DTNBP1: variants seen among roughly 807,000 people sequenced by gnomAD.
DTNBP1 encodes dystrobrevin binding protein 1, also known as dysbindin.
In DTNBP1, 35 loss-of-function variants were observed where a neutral mutation model predicts 42.8. The observed-to-expected ratio is 0.82, with a 90% confidence interval of 0.63 to 1.09. The LOEUF is 1.09. DTNBP1 is among the 50% of genes least tolerant of loss of function. The probability of loss-of-function intolerance (pLI) is 0.00; values close to 1 mark genes in which losing one functional copy is unlikely to be tolerated. For missense variants in DTNBP1, 457 were observed against 424.2 expected (o/e 1.08, Z -0.68); for synonymous variants, 171 against 162.2 (o/e 1.05, Z -0.41).
At chr6:15,638,582 A>G (rs1241223356) in intron 3 of DTNBP1, among the ~76,000 whole-genome samples, 1 of 152,212 alleles carries the variant, frequency 6.6e-6, no homozygotes, top group Non-Finnish European at 1.5e-5. Flanking sequence ...TGCCCATTGG[A>G]TAATCATTAA....
intron 7 of DTNBP1, among the ~76,000 whole-genome samples, chr6:15,543,917 G>A (rs560748930): frequency 2.0e-5 from 3 of 152,292 alleles, no homozygotes; most frequent in South Asian, 2.1e-4. Context: ...AGGAGCTAGC[G>A]GCATTAGGAA....
At chr6:15,553,497 C>T (rs1049153075) in intron 7 of DTNBP1, among the ~76,000 whole-genome samples, 8 of 150,082 alleles carry the variant, frequency 5.3e-5, no homozygotes, top group African/African-American at 2.0e-4. Flanking sequence ...CTGTTTTAGG[C>T]CTTCCAAAGT....
intron 7 of DTNBP1, among the ~76,000 whole-genome samples, chr6:15,576,904 G>A (rs1201398173): frequency 6.6e-6 from 1 of 152,108 alleles, no homozygotes; most frequent in Admixed American, 6.6e-5. Flanking sequence ...CAGACGACAT[G>A]TATTGGGTGC....
At chr6:15,648,609 A>C (rs1159334384) in intron 3 of DTNBP1, among the ~76,000 whole-genome samples, 1 of 151,818 alleles carries the variant, frequency 6.6e-6, no homozygotes, top group Admixed American at 6.6e-5. Flanking sequence ...CCAATAAATA[A>C]TTCAAAAAAA....
intron 7 of DTNBP1, among the ~76,000 whole-genome samples, chr6:15,581,352 G>C (rs1355999965): frequency 6.6e-6 from 1 of 151,610 alleles, no homozygotes; most frequent in Non-Finnish European, 1.5e-5. Context: ...GCTAATTTCT[G>C]TATTTTTAGT....
Position 15,620,624 on chromosome 6 carries a change from C to A in DTNBP1, c.356-5225G>T, listed in dbSNP as rs2619539. Reference sequence around the variant, plus strand: ...TGACATGGTCTTAAAATGTATAAAACACTATCATAGCTAATAGGATTATTT... The same window carrying A: ...TGACATGGTCTTAAAATGTATAAAAAACTATCATAGCTAATAGGATTATTT... On this transcript the variant is annotated intron_variant, in intron 5 of 9. Transcript: ENST00000344537. 9.8e-4 allele frequency among the ~76,000 whole-genome samples: 149 copies of A among 152,200 alleles called. 1 individual carries two copies. The highest frequency in any genetic ancestry group is 1.8e-3 in the Admixed American group (27 of 15,296).
chr6:15,539,668 C>T (rs970303502), intron 7 of DTNBP1, among the ~76,000 whole-genome samples: 1 of 152,196 alleles, frequency 6.6e-6, no homozygotes, highest in African/African-American at 2.4e-5. Flanking sequence ...TTTGGGTGGA[C>T]GATTCTAGGA....
chr6:15,626,153 T>C (rs1759333539), intron 5 of DTNBP1, among the ~76,000 whole-genome samples: 1 of 152,204 alleles, frequency 6.6e-6, no homozygotes, highest in Admixed American at 6.5e-5. Flanking sequence ...GTTGGAATCC[T>C]AGATGCATTT....
chr6:15,584,929 G>GT (rs1053878949), intron 7 of DTNBP1, among the ~76,000 whole-genome samples: 5 of 147,598 alleles, frequency 3.4e-5, no homozygotes, highest in Non-Finnish European at 6.0e-5. Context: ...ATTTTTTGCA[G>GT]TAAGTTCCAC....
intron 7 of DTNBP1, chr6:15,545,994 A>G (rs1195828157): frequency 4.5e-6 from 2 of 445,144 alleles, no homozygotes; most frequent in Non-Finnish European, 8.9e-6. Flanking sequence ...TGCACCCTGG[A>G]GGCCTCAGAT....
intron 7 of DTNBP1, among the ~76,000 whole-genome samples, chr6:15,538,337 C>A (rs569884855): frequency 6.6e-6 from 1 of 152,244 alleles, no homozygotes; most frequent in South Asian, 2.1e-4. Flanking sequence ...GAGAGCATCC[C>A]CGGGCTGACA....
At chr6:15,530,549 G>C (rs373449545) in intron 8 of DTNBP1, among the ~76,000 whole-genome samples, 1 of 152,132 alleles carries the variant, frequency 6.6e-6, no homozygotes, top group Non-Finnish European at 1.5e-5. Context: ...CTGCCAGCCC[G>C]CTGACTTGCT....
intron 2 of DTNBP1, 139 bp downstream of exon 2, chr6:15,651,948 A>G: frequency 1.4e-6 from 1 of 731,270 alleles, no homozygotes; most frequent in South Asian, 2.1e-5. Flanking sequence ...CAAAATTTAG[A>G]AAGAATCGAT....
At chr6:15,607,014 T>A (rs1221213595) in intron 6 of DTNBP1, among the ~76,000 whole-genome samples, 2 of 150,878 alleles carry the variant, frequency 1.3e-5, no homozygotes, top group Non-Finnish European at 3.0e-5. Context: ...AAAAAAATTT[T>A]TTTTTTTTTT....
Position 15,615,303 on chromosome 6 carries a change from T to C in DTNBP1, c.452A>G (p.Gln151Arg), listed in dbSNP as rs776504346. ...QCELERCKHM[Q>R]SQQLENYKKN... ...CTTGTAATTCTCCAGTTGCTGGGAC[T>C]GCATATGTTTGCATCTTTCTAATTC... The change falls in exon 6 of 10, where the codon CAG becomes CGG. Residue 151 changes from glutamine to arginine, a missense_variant. Coordinates refer to ENST00000344537, the MANE Select transcript of DTNBP1 (RefSeq NM_032122.5). 2 of 1,614,086 alleles carry C rather than the reference T, an allele frequency of 1.2e-6. No individual in the cohort carries two copies. Among genetic ancestry groups the C allele is most frequent in the African/African-American group, 2.7e-5 (2 of 74,934 alleles).
intron 1 of DTNBP1, among the ~76,000 whole-genome samples, chr6:15,654,944 C>T (rs1761201054): frequency 6.6e-6 from 1 of 152,118 alleles, no homozygotes; most frequent in Non-Finnish European, 1.5e-5. Context: ...TAATGTGTTT[C>T]CTTTTTAGTG....
chr6:15,526,272 G>T (rs543294019), intron 8 of DTNBP1, among the ~76,000 whole-genome samples: 2 of 152,320 alleles, frequency 1.3e-5, no homozygotes, highest in South Asian at 4.1e-4. Flanking sequence ...ACGTGTGAGT[G>T]TGTGAGTTAA....
intron 7 of DTNBP1, among the ~76,000 whole-genome samples, chr6:15,553,426 C>A (rs1391509844): frequency 1.3e-5 from 2 of 151,484 alleles, no homozygotes; most frequent in Non-Finnish European, 2.9e-5. Flanking sequence ...TAAAATGGAA[C>A]CACACAGCAT....
rs536414240 is a variant in DTNBP1 at position 15,537,974 on chromosome 6, G to C, written c.512-4579C>G. Among the ~76,000 whole-genome samples the C allele has an allele frequency of 3.4e-4, 52 of 152,298 alleles. No homozygotes were observed. In the South Asian group the frequency reaches 5.2e-3, roughly 15 times the overall value. The stretch of plus-strand genomic sequence containing the variant: ...ATTTTTGACCTGGTACATGGGTAAA[G>C]GATTACTTCTAAACTTGCTTTTAGA... On this transcript the variant is annotated intron_variant, in intron 7 of 9. Coordinates refer to ENST00000344537, the MANE Select transcript of DTNBP1 (RefSeq NM_032122.5).
Sources: gnomAD v4.1 joint callset for allele counts (sites outside exome capture counted in the v4.1 genomes callset) on GRCh38, gnomAD v4.1.1 for gene constraint, MANE v1.5 for transcripts, NCBI Gene and HGNC (gene_info 2026-07-23, HGNC 2026-07-21) for gene names.